SLCO5A1: variants seen among roughly 807,000 people sequenced by gnomAD.
SLCO5A1 encodes the protein organic anion transporter polypeptide-related protein 4.
SLCO5A1 carries 39 observed loss-of-function variants against 65.1 expected under a neutral mutation model. The observed-to-expected ratio is 0.60, with a 90% CI of 0.46 to 0.78. The LOEUF is 0.78. SLCO5A1 is among the 30% of genes least tolerant of loss of function. The pLI is 0.00. For synonymous variants in SLCO5A1, 438 were observed against 415.7 expected, an observed-to-expected ratio of 1.05 and a Z score of -0.65; for missense variants, 1,029 against 1,069.4, an observed-to-expected ratio of 0.96 and a Z score of 0.53.
At chr8:69,739,468 A>T (rs1211907292) in intron 4 of SLCO5A1, among the ~76,000 whole-genome samples, 1 of 152,130 alleles carries the variant, frequency 6.6e-6, no homozygotes, top group African/African-American at 2.4e-5. Context: ...ATGTATCTTC[A>T]TAGAAAAGGT....
At position 69,832,237 on chromosome 8, in the gene SLCO5A1, G is replaced by A. The variant is rs1821188203; in HGVS notation, c.437C>T (p.Ser146Phe). 6.2e-7 allele frequency: 1 copy of A among 1,614,120 alleles called. No individual in the cohort carries two copies. Among genetic ancestry groups the A allele is most frequent in the Non-Finnish European group, 8.5e-7 (1 of 1,180,060 alleles). Residue 146 changes from serine (S) to phenylalanine (F), a missense_variant, in exon 2 of 10, where the codon TCT becomes TTT. By Grantham distance (155) the Ser-to-Phe change is radical (BLOSUM62 -2). This residue lies in a region of SLCO5A1 where 647 missense variants were observed against 647.5 expected (regional missense o/e 1.00). Coordinates refer to ENST00000260126, the MANE Select transcript of SLCO5A1 (RefSeq NM_030958.3). This position sits in a 1 kb window ranked among gnomAD's most constrained non-coding sequence, Gnocchi z 4.5. ...GGTAATTACGCTGCTCAGGTACCCA[G>A]AGACCATTAACGCCTGGATGAAGGT... is the stretch of plus-strand genomic sequence containing the variant. ...FLTFIQALMVSGYLSSVITTI... is the reference protein window; with the variant it reads ...FLTFIQALMVFGYLSSVITTI...
At chr8:69,716,180 T>G (rs780983632) in intron 5 of SLCO5A1, among the ~76,000 whole-genome samples, 1 of 152,248 alleles carries the variant, frequency 6.6e-6, no homozygotes, top group African/African-American at 2.4e-5. Context: ...AAATAACATT[T>G]CATTGCATTT....
intron 2 of SLCO5A1, among the ~76,000 whole-genome samples, chr8:69,802,211 G>T (rs778220929): frequency 6.6e-6 from 1 of 152,048 alleles, no homozygotes; most frequent in Non-Finnish European, 1.5e-5. Context: ...AAAGAAAAAC[G>T]TTTAATGTGG....
chr8:69,757,137 A>T lies in SLCO5A1; in HGVS notation c.1041-1496T>A, dbSNP rs562839982. Among the ~76,000 whole-genome samples the T allele has an allele frequency of 3.6e-4, 55 of 152,314 alleles. No homozygotes were observed. In the South Asian group the frequency reaches 0.011, roughly 30 times the overall value. ...CACAGTTGAGAGAATGATTCCTACA[A>T]TTAGTCATTAATAATTTAGTGTGCT... On this transcript the variant is annotated intron_variant, in intron 3 of 9. Coordinates refer to ENST00000260126, the MANE Select transcript of SLCO5A1 (RefSeq NM_030958.3).
chr8:69,743,454 C>T (rs1586749010), intron 4 of SLCO5A1, among the ~76,000 whole-genome samples: 1 of 152,136 alleles, frequency 6.6e-6, no homozygotes, highest in South Asian at 2.1e-4. Flanking sequence ...AGGGCTCAAG[C>T]AATCCTCCCA....
chr8:69,784,884 AAAG>A (rs1659613642), intron 2 of SLCO5A1, among the ~76,000 whole-genome samples: 3 of 133,786 alleles, frequency 2.2e-5, no homozygotes, highest in East Asian at 2.1e-4. Context: ...AGAAAGAAAG[AAAG>A]AAGAAAGGAA....
intron 2 of SLCO5A1, among the ~76,000 whole-genome samples, chr8:69,780,904 G>A (rs1163776736): frequency 6.6e-6 from 1 of 151,972 alleles, no homozygotes; most frequent in Non-Finnish European, 1.5e-5. Context: ...TTTTGGAGCT[G>A]TTAGTAGCAG....
intron 2 of SLCO5A1, among the ~76,000 whole-genome samples, chr8:69,816,313 A>G (rs537835595): frequency 6.6e-6 from 1 of 152,302 alleles, no homozygotes; most frequent in South Asian, 2.1e-4. Context: ...ATGTCTCCAG[A>G]GAGCCAAAAT....
At chr8:69,797,012 A>G (rs1819528261) in intron 2 of SLCO5A1, among the ~76,000 whole-genome samples, 1 of 152,206 alleles carries the variant, frequency 6.6e-6, no homozygotes, top group Admixed American at 6.5e-5. Context: ...ACAACCATTT[A>G]ACAAGTCTCT....
chr8:69,685,384 C>G (rs1429131172), intron 6 of SLCO5A1, among the ~76,000 whole-genome samples: 1 of 152,190 alleles, frequency 6.6e-6, no homozygotes, highest in Middle Eastern at 3.2e-3. Context: ...TGCACAAGGA[C>G]TATTTACTGA....
chr8:69,776,984 C>T (rs975016412), intron 2 of SLCO5A1, among the ~76,000 whole-genome samples: 1 of 152,218 alleles, frequency 6.6e-6, no homozygotes, highest in South Asian at 2.1e-4. Context: ...GGTACAACCA[C>T]TTTGGAGAAC....
At chr8:69,700,801 A>G (rs2130806546) in intron 6 of SLCO5A1, among the ~76,000 whole-genome samples, 1 of 151,816 alleles carries the variant, frequency 6.6e-6, no homozygotes, top group Non-Finnish European at 1.5e-5. Context: ...ATCAAATGTA[A>G]CGGTGTGTAT....
intron 2 of SLCO5A1, among the ~76,000 whole-genome samples, chr8:69,825,259 T>C (rs1473847777): frequency 1.3e-5 from 2 of 152,162 alleles, no homozygotes; most frequent in African/African-American, 4.8e-5. Flanking sequence ...TTCAACATAG[T>C]GTTGGGAAGT....
At chr8:69,779,541 T>A (rs897771636) in intron 2 of SLCO5A1, among the ~76,000 whole-genome samples, 1 of 152,168 alleles carries the variant, frequency 6.6e-6, no homozygotes, top group Non-Finnish European at 1.5e-5. Context: ...TAACTGTTAT[T>A]TAATGACTAC....
chr8:69,817,803 T>G (rs1277196075), intron 2 of SLCO5A1, among the ~76,000 whole-genome samples: 1 of 152,224 alleles, frequency 6.6e-6, no homozygotes, highest in Non-Finnish European at 1.5e-5. Flanking sequence ...AATATAGATC[T>G]TACATTTGTC....
intron 2 of SLCO5A1, among the ~76,000 whole-genome samples, chr8:69,809,691 A>C (rs1210603644): frequency 6.6e-6 from 1 of 151,918 alleles, no homozygotes; most frequent in Non-Finnish European, 1.5e-5. Context: ...TTATTATGCT[A>C]TCTTTCATGT....
intron 2 of SLCO5A1, among the ~76,000 whole-genome samples, chr8:69,793,147 A>C (rs1819342198): frequency 6.6e-6 from 1 of 151,758 alleles, no homozygotes; most frequent in Admixed American, 6.6e-5. Context: ...ACACCCAGCC[A>C]CTTTTTGTGT....
chr8:69,733,762 C>T (rs774821421), intron 5 of SLCO5A1, among the ~76,000 whole-genome samples: 17 of 152,320 alleles, frequency 1.1e-4, no homozygotes, highest in East Asian at 3.9e-4. Context: ...CTTCCCCTTT[C>T]GCCCTGACTG....
At position 69,793,067 on chromosome 8, in the gene SLCO5A1, C is replaced by T. The variant is rs1053155909; in HGVS notation, c.908-31192G>A. Among the ~76,000 whole-genome samples the T allele has an allele frequency of 7.2e-5, 11 of 152,024 alleles. No homozygotes were observed. The South Asian group carries it at 1.2e-3, about 17-fold the overall frequency. On this transcript the variant is annotated intron_variant, in intron 2 of 9. Coordinates refer to ENST00000260126, the MANE Select transcript of SLCO5A1 (RefSeq NM_030958.3). Reference sequence around the variant, plus strand: ...CATGATCTCAGCTCACTGCAGCCTCCGCCTCCTGGGTTCAAGCGATTTTCC... The same window carrying T: ...CATGATCTCAGCTCACTGCAGCCTCTGCCTCCTGGGTTCAAGCGATTTTCC...
Sources: gnomAD v4.1 joint callset for allele counts (sites outside exome capture counted in the v4.1 genomes callset) on GRCh38, gnomAD v4.1.1 for gene constraint, gnomAD v4.1.1 regional missense constraint, Gnocchi (gnomAD v3.1) non-coding constraint, MANE v1.5 for transcripts, NCBI Gene and HGNC (gene_info 2026-07-23, HGNC 2026-07-21) for gene names.